LRP4: variants seen among roughly 807,000 people sequenced by gnomAD.
LRP4 encodes the protein low-density lipoprotein receptor-related protein 4.
Under a neutral mutation model 220.3 loss-of-function variants are expected in LRP4, and 95 were observed. The observed-to-expected ratio is 0.43, with a 90% CI of 0.37 to 0.51. The LOEUF (loss-of-function observed/expected upper bound fraction) is 0.51. LRP4 is among the 20% of genes least tolerant of loss of function. The pLI, the probability that LRP4 is intolerant of heterozygous loss-of-function variation, is 0.00. For synonymous variants in LRP4, 903 were observed against 954.6 expected, an observed-to-expected ratio of 0.95 and a Z score of 1.00; for missense variants, 1,925 against 2,567.0, an observed-to-expected ratio of 0.75 and a Z score of 5.40.
intron 31 of LRP4, among the ~76,000 whole-genome samples, chr11:46,871,020 A>G (rs1473606291): frequency 6.6e-6 from 1 of 152,244 alleles, no homozygotes; most frequent in Non-Finnish European, 1.5e-5. Flanking sequence ...TAGAACTTGA[A>G]TCCAGGTACC....
chr11:46,867,396 C>A (rs1940732425), intron 34 of LRP4, among the ~76,000 whole-genome samples: 1 of 152,146 alleles, frequency 6.6e-6, no homozygotes, highest in African/African-American at 2.4e-5. Context: ...AGGAGGAATA[C>A]CACGTGGGAG....
Position 46,879,293 on chromosome 11 carries a change from G to C in LRP4, c.2837C>G (p.Pro946Arg), listed in dbSNP as rs368880157. 46 of 1,614,062 alleles carry C rather than the reference G, an allele frequency of 2.8e-5. No homozygotes were observed. The highest frequency in any genetic ancestry group is 3.9e-5 in the Non-Finnish European group (46 of 1,180,050). Residue 946 changes from proline to arginine, a missense_variant, in exon 21 of 38, where the codon CCC (proline) becomes CGC (arginine). Pro to Arg is a moderately radical substitution (Grantham distance 103). Around this residue, in one of 3 missense-constraint regions of LRP4, gnomAD observed 1,244 missense variants for 1,624.9 expected, o/e 0.77. Transcript: ENST00000378623. ...ATAGAGGGTCAGCCCAAATGGGTGGGGGAGCTGGCTTCCAATCAGCACCTG... is the reference window on the plus strand; with the variant it reads ...ATAGAGGGTCAGCCCAAATGGGTGGCGGAGCTGGCTTCCAATCAGCACCTG... ...KRKVLIGSQL[P>R]HPFGLTLYGE...
chr11:46,898,925 A>G lies in LRP4; in HGVS notation c.655T>C (p.Trp219Arg), dbSNP rs1398517108. Residue 219 changes from tryptophan (W) to arginine (R), a missense_variant, in exon 6 of 38, where the codon TGG (tryptophan) becomes CGG (arginine). Trp to Arg is a moderately radical substitution (Grantham distance 101). Transcript: ENST00000378623. ...HCDGDDDCGD[W>R]SDESDCSSHQ... Reference sequence around the variant, plus strand: ...TCACAGCAGTCAGACTCGTCTGACCAGTCTCCACAGTCATCGTCGCCATCG... The same window carrying G: ...TCACAGCAGTCAGACTCGTCTGACCGGTCTCCACAGTCATCGTCGCCATCG... 1.2e-6 allele frequency: 2 copies of G among 1,613,846 alleles called. No homozygotes were observed. The highest frequency in any genetic ancestry group is 8.5e-7 in the Non-Finnish European group (1 of 1,180,008).
intron 20 of LRP4, among the ~76,000 whole-genome samples, chr11:46,879,763 C>T (rs187551629): frequency 1.3e-5 from 2 of 152,282 alleles, no homozygotes; most frequent in East Asian, 3.9e-4. Context: ...CAAATGCACA[C>T]TCTGAATCCA....
intron 34 of LRP4, 98 bp downstream of exon 34, chr11:46,867,881 T>A: frequency 6.9e-7 from 1 of 1,443,946 alleles, no homozygotes. Flanking sequence ...CCTGACATAA[T>A]CTATCTCCCA....
Position 46,899,275 on chromosome 11 carries a change from G to A in LRP4, c.547+112C>T. On this transcript the variant is annotated intron_variant, in intron 5 of 37. Transcript: ENST00000378623. The surrounding 1 kb of genome is among the most constrained non-coding windows in gnomAD (Gnocchi z 5.9). Reference sequence around the variant, plus strand: ...CAGCCTAGGAGGAGCTGCTGCTGAGGCACCCATGCTCCTTGCCCTTGGTAC... The same window carrying A: ...CAGCCTAGGAGGAGCTGCTGCTGAGACACCCATGCTCCTTGCCCTTGGTAC... 4.1e-6 allele frequency: 4 copies of A among 974,344 alleles called. No individual in the cohort carries two copies. Among genetic ancestry groups the A allele is most frequent in the Non-Finnish European group, 6.6e-6 (4 of 605,136 alleles). The allele number at this position is 974,344 out of a possible 1,614,324, so 60.4% of individuals were successfully genotyped here.
At chr11:46,877,148 T>G in intron 23 of LRP4, 51 bp downstream of exon 23, 1 of 1,604,638 alleles carries the variant, frequency 6.2e-7, no homozygotes, top group Non-Finnish European at 8.5e-7. Flanking sequence ...AGACAGTAAT[T>G]GTTGAAGGGC....
chr11:46,862,824 T>G, intron 36 of LRP4, 77 bp from the exon 37 acceptor site: 1 of 1,326,314 alleles, frequency 7.5e-7, no homozygotes. Flanking sequence ...AAACTGAGTC[T>G]GGTAGGCAGC....
intron 16 of LRP4, 105 bp downstream of exon 16, chr11:46,889,306 T>C: frequency 6.8e-7 from 1 of 1,464,408 alleles, no homozygotes; most frequent in Non-Finnish European, 9.5e-7. Flanking sequence ...CCCTGAGGAA[T>C]GTGGTTTTTC....
intron 2 of LRP4, among the ~76,000 whole-genome samples, chr11:46,901,204 G>A (rs1457412276): frequency 6.6e-6 from 1 of 152,180 alleles, no homozygotes; most frequent in Non-Finnish European, 1.5e-5. Context: ...AGGTAATTGT[G>A]GTGAGGGGTT....
intron 16 of LRP4, among the ~76,000 whole-genome samples, chr11:46,888,045 C>T (rs1285302174): frequency 2.0e-5 from 2 of 101,808 alleles, no homozygotes; most frequent in African/African-American, 4.7e-5. Context: ...AAAAAAAGGC[C>T]GGGGGCGGTG....
At chr11:46,917,572 A>G (rs1221879501) in intron 1 of LRP4, among the ~76,000 whole-genome samples, 2 of 152,130 alleles carry the variant, frequency 1.3e-5, no homozygotes, top group Non-Finnish European at 2.9e-5. Flanking sequence ...TCTGGGGTTC[A>G]GGGTTACCGG....
rs1940641057 is a variant in LRP4, at chr11:46,864,467, C to T, written c.5224G>A (p.Ala1742Thr). The T allele has an allele frequency of 6.2e-7, 1 of 1,613,584 alleles. No individual in the cohort carries two copies. Among genetic ancestry groups the T allele is most frequent in the Non-Finnish European group, 8.5e-7 (1 of 1,179,602 alleles). ...LSILLILVVI[A>T]ALMLYRHKKS... ...AGTTACCTGTACAGCATCAAAGCTG[C>T]AATCACCACCAAAATCAGCAGAATA... Residue 1742 changes from alanine to threonine, a missense_variant, in exon 36 of 38, where the codon GCA (alanine) becomes ACA (threonine). By Grantham distance (58) the Ala-to-Thr change is moderately conservative. Coordinates refer to ENST00000378623, the MANE Select transcript of LRP4 (RefSeq NM_002334.4).
In LRP4 at chr11:46,859,133, G is replaced by A. The variant is rs1206691145; in HGVS notation, c.5568C>T (p.Ser1856=). ...GCTGCTCCGTCTCTGTGTCATCCAG[G>A]GAGCCAGAGCTGGCCTGGATGGACA... ...DTVSIQASSG[S]LDDTETEQLL... Residue 1856 remains serine, a synonymous_variant, in exon 38 of 38, where the codon TCC becomes TCT. Coordinates refer to ENST00000378623, the MANE Select transcript of LRP4 (RefSeq NM_002334.4). The A allele has an allele frequency of 6.2e-7, 1 of 1,614,186 alleles. No individual in the cohort carries two copies. Among genetic ancestry groups the A allele is most frequent in the South Asian group, 1.1e-5 (1 of 91,082 alleles).
intron 37 of LRP4, chr11:46,860,882 C>A: frequency 1.2e-6 from 1 of 864,270 alleles, no homozygotes; most frequent in Non-Finnish European, 1.4e-6. Context: ...ATGGCACTTG[C>A]AATTTGGGAA....
intron 1 of LRP4, among the ~76,000 whole-genome samples, chr11:46,908,762 G>A (rs541775935): frequency 5.3e-5 from 8 of 152,340 alleles, no homozygotes; most frequent in East Asian, 1.9e-4. Flanking sequence ...AAAGTCTGGC[G>A]TCCCAGCACT....
intron 1 of LRP4, among the ~76,000 whole-genome samples, chr11:46,909,934 C>T (rs1042207420): frequency 2.0e-5 from 3 of 152,170 alleles, no homozygotes; most frequent in Non-Finnish European, 4.4e-5. Context: ...ACAAGAGTTC[C>T]TTTCACCAGC....
Position 46,890,138 on chromosome 11 carries a change from A to G in LRP4, c.1916-18T>C. ...CGGGAGGCCTGGGGAAAGTCCAGGA[A>G]GACCTCAGTCTGGACGTGGTCTGCC... On this transcript the variant is annotated intron_variant, in intron 14 of 37. Transcript: ENST00000378623. The surrounding 1 kb of genome is among the most constrained non-coding windows in gnomAD (Gnocchi z 5.3). 1 of 1,613,736 alleles carries G rather than the reference A, an allele frequency of 6.2e-7. No homozygotes were observed. The highest frequency in any genetic ancestry group is 8.5e-7 in the Non-Finnish European group (1 of 1,179,742).
intron 37 of LRP4, 92 bp downstream of exon 37, chr11:46,862,514 A>C (rs1592509377): frequency 7.9e-7 from 1 of 1,263,944 alleles, no homozygotes. Flanking sequence ...GGGATTACTC[A>C]GCAGCCGTTA....
Sources: gnomAD v4.1 joint callset for allele counts (sites outside exome capture counted in the v4.1 genomes callset) on GRCh38, gnomAD v4.1.1 for gene constraint, gnomAD v4.1.1 regional missense constraint, Gnocchi (gnomAD v3.1) non-coding constraint, MANE v1.5 for transcripts, NCBI Gene and HGNC (gene_info 2026-07-23, HGNC 2026-07-21) for gene names.